Variants in ADGRL2 observed in about 807,000 individuals in gnomAD.
ADGRL2 encodes adhesion G protein-coupled receptor L2, also known as calcium-independent alpha-latrotoxin receptor 2.
In ADGRL2, 44 loss-of-function variants were observed where a neutral mutation model predicts 157.4. The ratio of observed to expected loss-of-function variants is 0.28; its 90% CI spans 0.22 to 0.36. ADGRL2 has a LOEUF of 0.36. Ranked by LOEUF, ADGRL2 falls within the 10% of genes least tolerant of loss-of-function variation. The pLI is 1.00. For missense variants in ADGRL2, 1,510 were observed against 1,768.9 expected (o/e 0.85, Z 2.63); for synonymous variants, 585 against 624.7 (o/e 0.94, Z 0.95).
chr1:81,746,989 T>C (rs1329763880), intron 1 of ADGRL2, among the ~76,000 whole-genome samples: 5 of 148,222 alleles, frequency 3.4e-5, no homozygotes, highest in South Asian at 2.1e-4. Context: ...CGTGTGTATA[T>C]ACGTATATAC....
At chr1:81,553,884 G>A (rs1388235718) in intron 2 of ADGRL2, among the ~76,000 whole-genome samples, 1 of 152,206 alleles carries the variant, frequency 6.6e-6, no homozygotes, top group Non-Finnish European at 1.5e-5. Flanking sequence ...ACCTGCAGAT[G>A]ATGCTTCATT....
At chr1:81,746,985 T>C (rs1339380922) in intron 1 of ADGRL2, among the ~76,000 whole-genome samples, 3 of 146,354 alleles carry the variant, frequency 2.0e-5, no homozygotes, top group Non-Finnish European at 3.0e-5. Flanking sequence ...CACACGTGTG[T>C]ATATACGTAT....
intron 1 of ADGRL2, among the ~76,000 whole-genome samples, chr1:81,724,133 T>C (rs903071847): frequency 4.6e-5 from 7 of 152,146 alleles, no homozygotes; most frequent in Non-Finnish European, 1.0e-4. Flanking sequence ...TTTAATTTAA[T>C]ATGTAATACA....
intron 2 of ADGRL2, among the ~76,000 whole-genome samples, chr1:81,876,890 A>G (rs143716619): frequency 6.6e-6 from 1 of 152,274 alleles, no homozygotes; most frequent in African/African-American, 2.4e-5. Context: ...CCATAGTTTC[A>G]AAGCTGTTGA....
At chr1:81,390,828 T>G (rs1384848939) in intron 1 of ADGRL2, among the ~76,000 whole-genome samples, 1 of 152,308 alleles carries the variant, frequency 6.6e-6, no homozygotes, top group Non-Finnish European at 1.5e-5. Flanking sequence ...CCACTGTGGA[T>G]GGACATTCAT....
chr1:81,923,766 A>G (rs1448589141), intron 3 of ADGRL2, among the ~76,000 whole-genome samples: 1 of 152,140 alleles, frequency 6.6e-6, no homozygotes, highest in Non-Finnish European at 1.5e-5. Flanking sequence ...AGGCATTGAG[A>G]TAGATTGAAA....
intron 2 of ADGRL2, among the ~76,000 whole-genome samples, chr1:81,848,414 AGATTGTTCCTTT>A (rs1471847548): frequency 1.3e-5 from 2 of 151,854 alleles, no homozygotes; most frequent in Non-Finnish European, 2.9e-5. Context: ...TAAGGCCTGC[AGATTGTTCCTTT>A]GTCAAGCTCT....
chr1:81,843,832 T>G (rs2092689731), intron 2 of ADGRL2, among the ~76,000 whole-genome samples: 1 of 152,196 alleles, frequency 6.6e-6, no homozygotes, highest in Admixed American at 6.6e-5. Flanking sequence ...GAAGATAAAG[T>G]TCAAGTGCTT....
At chr1:81,642,430 A>AG (rs1387882417) in intron 3 of ADGRL2, among the ~76,000 whole-genome samples, 1 of 151,208 alleles carries the variant, frequency 6.6e-6, no homozygotes, top group African/African-American at 2.4e-5. Context: ...AAAAAAGAAA[A>AG]GAAAAAAAAA....
intron 3 of ADGRL2, among the ~76,000 whole-genome samples, chr1:81,602,318 G>T (rs1403498180): frequency 6.6e-6 from 1 of 151,988 alleles, no homozygotes; most frequent in African/African-American, 2.4e-5. Flanking sequence ...CTATTGGTGG[G>T]GTGCAGAGGC....
At chr1:81,957,887 C>T (rs911628246) in intron 11 of ADGRL2, among the ~76,000 whole-genome samples, 1 of 149,458 alleles carries the variant, frequency 6.7e-6, no homozygotes, top group Non-Finnish European at 1.5e-5. Context: ...ATTTTACGGC[C>T]GGGCATGGTG....
At position 81,990,608 on chromosome 1, in the gene ADGRL2, C is replaced by T. The variant is rs549347800; in HGVS notation, c.3873C>T (p.Leu1291=). 1.2e-5 allele frequency: 19 copies of T among 1,614,146 alleles called. No homozygotes were observed. Among genetic ancestry groups the T allele is most frequent in the Non-Finnish European group, 1.4e-5 (16 of 1,180,018 alleles). ...NLRGSSKTHN[L]ELTLPVKPVI... ...GGGGCAGCAGCAAGACTCACAACCTCGAGCTCACGCTACCAGTCAAACCTG... is the reference window on the plus strand; with the variant it reads ...GGGGCAGCAGCAAGACTCACAACCTTGAGCTCACGCTACCAGTCAAACCTG... Residue 1291 remains leucine, a synonymous_variant, in exon 24 of 24, where the codon CTC becomes CTT. Transcript: ENST00000686636.
At chr1:81,734,821 G>A (rs900132481) in intron 1 of ADGRL2, among the ~76,000 whole-genome samples, 2 of 148,504 alleles carry the variant, frequency 1.3e-5, no homozygotes, top group South Asian at 4.4e-4. Context: ...ATCACCTGAG[G>A]TCGGGAGTTC....
chr1:81,356,724 T>C (rs529891356), intron 1 of ADGRL2, among the ~76,000 whole-genome samples: 229 of 151,872 alleles, frequency 1.5e-3, no homozygotes, highest in African/African-American at 4.6e-3. Context: ...GAGGCCGAGG[T>C]GGGTGGATCC....
At chr1:81,711,068 A>C (rs761110030) in intron 1 of ADGRL2, among the ~76,000 whole-genome samples, 14 of 152,200 alleles carry the variant, frequency 9.2e-5, no homozygotes, top group Non-Finnish European at 1.6e-4. Context: ...TATTTCATGA[A>C]ACATTTTAAA....
At chr1:81,481,170 G>C (rs1310975497) in intron 2 of ADGRL2, among the ~76,000 whole-genome samples, 1 of 152,144 alleles carries the variant, frequency 6.6e-6, no homozygotes, top group East Asian at 1.9e-4. Flanking sequence ...ATAGATACTA[G>C]AAATTGTTTG....
intron 3 of ADGRL2, among the ~76,000 whole-genome samples, chr1:81,643,948 T>A (rs75533956): frequency 1.3e-5 from 2 of 152,266 alleles, no homozygotes; most frequent in East Asian, 3.9e-4. Flanking sequence ...AGAACAAAGT[T>A]GAAGGACTGA....
intron 2 of ADGRL2, among the ~76,000 whole-genome samples, chr1:81,556,158 C>T (rs894278212): frequency 5.9e-5 from 9 of 152,018 alleles, no homozygotes; most frequent in Non-Finnish European, 1.2e-4. Flanking sequence ...GCTCTGGAAG[C>T]ATTACAAATA....
chr1:81,624,406 C>T lies in ADGRL2; in HGVS notation c.-143+43426C>T, dbSNP rs137938403. Among the ~76,000 whole-genome samples, 438 of 152,138 alleles carry T rather than the reference C, an allele frequency of 2.9e-3. 4 individuals carry two copies. Among genetic ancestry groups the T allele is most frequent in the African/African-American group, 0.01 (422 of 41,512 alleles). On this transcript the variant is annotated intron_variant, in intron 3 of 24. Coordinates refer to the ADGRL2 transcript ENST00000370721. ...GACCAGCCTGGCCAACAAGGTGAAA[C>T]CCCATCCCTACTAAAAATACAAAAA...
Sources: allele counts gnomAD v4.1 joint callset (sites outside exome capture counted in the v4.1 genomes callset), GRCh38; gene constraint gnomAD v4.1.1; transcripts MANE v1.5; gene names NCBI Gene and HGNC (gene_info 2026-07-23, HGNC 2026-07-21).